Variants in RTTN observed in about 807,000 individuals in gnomAD.
RTTN encodes the protein rotatin.
A neutral mutation model predicts 269.2 loss-of-function variants in RTTN; 182 were observed. That is an observed-to-expected ratio of 0.68 (90% CI 0.60 to 0.76). The LOEUF (loss-of-function observed/expected upper bound fraction) is 0.76. Among genes scored for constraint, RTTN ranks in the 30% least tolerant of loss-of-function variants. The pLI, the probability that RTTN is intolerant of heterozygous loss-of-function variation, is 0.00. For synonymous variants in RTTN, 1,006 were observed against 963.5 expected (o/e 1.04, Z -0.82); for missense variants, 2,545 against 2,608.6 (o/e 0.98, Z 0.53).
intron 35 of RTTN, among the ~76,000 whole-genome samples, chr18:70,062,729 A>C (rs1178177520): frequency 6.7e-6 from 1 of 150,324 alleles, no homozygotes; most frequent in East Asian, 2.0e-4. Flanking sequence ...CTCCCACCTC[A>C]GCCTCCTGAG....
intron 42 of RTTN, among the ~76,000 whole-genome samples, chr18:70,029,019 T>A (rs948336900): frequency 1.3e-5 from 2 of 152,138 alleles, no homozygotes; most frequent in African/African-American, 2.4e-5. Flanking sequence ...TTCTGTTCTA[T>A]CAAGCATGGA....
Position 70,054,139 on chromosome 18 carries a change from T to A in RTTN, c.5177A>T (p.Asp1726Val), listed in dbSNP as rs774980456. ...AAAACAATTAAGCTTACCTAATACA[T>A]CTTTGGTACATATGGTGAGAATTCC... is the stretch of plus-strand genomic sequence containing the variant. ...IIGILTICTK[D>V]VLDKELISAF... is the part of the protein sequence containing the mutation. The change falls in exon 38 of 49, where the codon GAT becomes GTT. Residue 1726 changes from aspartate (D) to valine (V), a missense_variant. Coordinates refer to ENST00000640769, the MANE Select transcript of RTTN (RefSeq NM_173630.4). 6.2e-6 allele frequency: 10 copies of A among 1,612,370 alleles called. No homozygotes were observed. The highest frequency in any genetic ancestry group is 8.5e-6 in the Non-Finnish European group (10 of 1,178,764).
intron 40 of RTTN, among the ~76,000 whole-genome samples, chr18:70,032,051 C>T (rs2057028821): frequency 1.3e-5 from 2 of 152,348 alleles, no homozygotes; most frequent in African/African-American, 4.8e-5. Flanking sequence ...GGAAGCAGAA[C>T]TCCAGCTGGG....
At chr18:70,184,714 TTTTG>T (rs1311461462) in intron 10 of RTTN, among the ~76,000 whole-genome samples, 5 of 53,482 alleles carry the variant, frequency 9.3e-5, no homozygotes, top group African/African-American at 2.5e-4. Flanking sequence ...TTTTTTTTTT[TTTTG>T]TGTGTGTGTG....
rs760851384 is a variant in RTTN, at chr18:70,190,700, G to A, written c.1027C>T (p.His343Tyr). The stretch of plus-strand genomic sequence containing the variant: ...TGAACGGATATCCTGGAGTTTACAT[G>A]AGCATGACTACTACTTCCACTGCAA... ...ASSSGSSSHA[H>Y]VNSRISVHSP... The change falls in exon 9 of 49, where the codon CAT becomes TAT. Residue 343 changes from histidine to tyrosine, a missense_variant. By Grantham distance (83) the His-to-Tyr change is moderately conservative. Coordinates refer to ENST00000640769, the MANE Select transcript of RTTN (RefSeq NM_173630.4). The A allele has an allele frequency of 5.0e-6, 8 of 1,608,022 alleles. No homozygotes were observed. The highest frequency in any genetic ancestry group is 6.8e-6 in the Non-Finnish European group (8 of 1,175,024).
At chr18:70,146,377 A>C (rs952128842) in intron 17 of RTTN, among the ~76,000 whole-genome samples, 1 of 152,198 alleles carries the variant, frequency 6.6e-6, no homozygotes, top group Non-Finnish European at 1.5e-5. Flanking sequence ...GTATGCCACT[A>C]AACAATGAAA....
At chr18:70,114,386 T>C in intron 27 of RTTN, 59 bp downstream of exon 27, 4 of 1,491,894 alleles carry the variant, frequency 2.7e-6, no homozygotes, top group Non-Finnish European at 3.6e-6. Context: ...ACTTTGAAAA[T>C]CAAAGAAAAC....
intron 28 of RTTN, among the ~76,000 whole-genome samples, chr18:70,106,965 A>T (rs1023911946): frequency 6.6e-6 from 1 of 152,218 alleles, no homozygotes; most frequent in Non-Finnish European, 1.5e-5. Flanking sequence ...AGGCTGACAG[A>T]TTTGTCCAGT....
intron 36 of RTTN, among the ~76,000 whole-genome samples, chr18:70,058,629 C>G (rs771517394): frequency 1.2e-4 from 18 of 152,124 alleles, no homozygotes; most frequent in Non-Finnish European, 2.6e-4. Context: ...CATAAAAGGT[C>G]TTTTAATGCC....
chr18:70,204,269 A>G lies in RTTN; in HGVS notation c.220-6T>C, dbSNP rs956181430. The G allele has an allele frequency of 3.1e-6, 5 of 1,597,036 alleles. No homozygotes were observed. Among genetic ancestry groups the G allele is most frequent in the Non-Finnish European group, 4.3e-6 (5 of 1,173,884 alleles). ...TGTTGGACTGCTGGGGGATACTAAA[A>G]TAAGAAGAGGATGATCTTGAGAATA... is the stretch of plus-strand genomic sequence containing the variant. On this transcript the variant is annotated splice_region_variant and splice_polypyrimidine_tract_variant and intron_variant, in intron 2 of 48. Coordinates refer to ENST00000640769, the MANE Select transcript of RTTN (RefSeq NM_173630.4).
chr18:70,045,285 A>G (rs879502357), intron 40 of RTTN, among the ~76,000 whole-genome samples: 37 of 152,344 alleles, frequency 2.4e-4, no homozygotes, highest in Admixed American at 1.2e-3. Context: ...GAAACTTAGT[A>G]ATAATGTAAT....
intron 32 of RTTN, among the ~76,000 whole-genome samples, chr18:70,077,314 C>T (rs1189817636): frequency 6.6e-6 from 1 of 151,862 alleles, no homozygotes; most frequent in African/African-American, 2.4e-5. Flanking sequence ...ACCCAAAATT[C>T]ACAAACCTTT....
In RTTN at chr18:70,167,041, A is replaced by C. The variant is rs373120419; in HGVS notation, c.1690-10T>G. On this transcript the variant is annotated splice_polypyrimidine_tract_variant and intron_variant, in intron 12 of 48. Transcript: ENST00000640769. ...AGAGATTCTTCTCTCCCTACAAAAG[A>C]AGCAGAATGGAACAATAAATGTCAA... 8.3e-6 allele frequency: 13 copies of C among 1,557,006 alleles called. No homozygotes were observed. The highest frequency in any genetic ancestry group is 2.7e-5 in the African/African-American group (2 of 73,714).
At chr18:70,103,121 C>T (rs1460535626) in intron 28 of RTTN, among the ~76,000 whole-genome samples, 1 of 148,828 alleles carries the variant, frequency 6.7e-6, no homozygotes, top group African/African-American at 2.5e-5. Flanking sequence ...TGCCCAGCCG[C>T]CACCCCGTCT....
chr18:70,019,100 A>T (rs2056628796), intron 45 of RTTN, among the ~76,000 whole-genome samples: 14 of 152,144 alleles, frequency 9.2e-5, no homozygotes. Flanking sequence ...CAGAGGAAAA[A>T]GACTTGATTA....
intron 39 of RTTN, among the ~76,000 whole-genome samples, chr18:70,049,540 A>T (rs954396830): frequency 1.3e-5 from 2 of 152,318 alleles, no homozygotes; most frequent in South Asian, 2.1e-4. Context: ...TTTGGTTAAA[A>T]ATTGTATCAT....
intron 43 of RTTN, among the ~76,000 whole-genome samples, chr18:70,027,419 C>T (rs1011806949): frequency 6.6e-6 from 1 of 152,150 alleles, no homozygotes; most frequent in African/African-American, 2.4e-5. Flanking sequence ...TATTAAACAA[C>T]TTAGAAATAC....
intron 17 of RTTN, among the ~76,000 whole-genome samples, chr18:70,148,390 T>A (rs775162060): frequency 6.6e-6 from 1 of 152,140 alleles, no homozygotes; most frequent in Non-Finnish European, 1.5e-5. Context: ...AATGCTTATA[T>A]TAATGGCAGT....
chr18:70,111,429 T>C (rs2059463776), intron 27 of RTTN, among the ~76,000 whole-genome samples: 1 of 151,832 alleles, frequency 6.6e-6, no homozygotes, highest in African/African-American at 2.4e-5. Flanking sequence ...GGGTCGAGAG[T>C]GGACCTCTAG....
Sources: gnomAD v4.1 joint callset for allele counts (sites outside exome capture counted in the v4.1 genomes callset) on GRCh38, gnomAD v4.1.1 for gene constraint, MANE v1.5 for transcripts, NCBI Gene and HGNC (gene_info 2026-07-23, HGNC 2026-07-21) for gene names.